The following BTC variants were observed in gnomAD, a reference collection of about 807,000 sequenced individuals.
BTC encodes betacellulin.
BTC carries 13 observed loss-of-function variants against 18.1 expected under a neutral mutation model. The observed-to-expected ratio is 0.72, with a 90% confidence interval of 0.47 to 1.14. The LOEUF (loss-of-function observed/expected upper bound fraction) is 1.14, where lower values mean the gene tolerates loss of function less well. Ranked by LOEUF, BTC falls within the 50% of genes most tolerant of loss-of-function variation. The probability of loss-of-function intolerance (pLI) is 0.00; values close to 1 mark genes in which losing one functional copy is unlikely to be tolerated. For missense variants in BTC, 247 were observed against 224.2 expected (o/e 1.10, Z -0.65); for synonymous variants, 83 against 79.4 (o/e 1.05, Z -0.24).
intron 4 of BTC, among the ~76,000 whole-genome samples, chr4:74,748,553 G>A (rs562059320): frequency 2.0e-5 from 3 of 152,032 alleles, no homozygotes; most frequent in African/African-American, 7.2e-5. Flanking sequence ...AAAAATTAGG[G>A]TTCTCTCTTA....
chr4:74,748,530 C>A (rs532821733), intron 4 of BTC, among the ~76,000 whole-genome samples: 7 of 150,586 alleles, frequency 4.6e-5, no homozygotes, highest in Non-Finnish European at 7.4e-5. Flanking sequence ...AGTGAGACTC[C>A]GTCACAAAAA....
chr4:74,776,130 T>C (rs926880969), intron 1 of BTC, among the ~76,000 whole-genome samples: 4 of 151,894 alleles, frequency 2.6e-5, no homozygotes, highest in South Asian at 2.1e-4. Context: ...AGCAATATAT[T>C]TATGGTTTCT....
rs187161909 is a variant in BTC at position 74,754,271 on chromosome 4, A to G, written c.281+1588T>C. Among the ~76,000 whole-genome samples the G allele has an allele frequency of 1.2e-4, 18 of 152,350 alleles. No individual in the cohort carries two copies. The East Asian group carries it at 3.3e-3, about 28-fold the overall frequency. On this transcript the variant is annotated intron_variant, in intron 3 of 5. Transcript: ENST00000395743. ...TAGGGGCACTATTTGTTCAAGCATC[A>G]GTCATTTCTTGTGCACCTAGTAAAT...
chr4:74,747,763 C>G (rs1407172197), intron 5 of BTC, among the ~76,000 whole-genome samples: 1 of 152,064 alleles, frequency 6.6e-6, no homozygotes, highest in African/African-American at 2.4e-5. Flanking sequence ...TAAAATACCT[C>G]TTTCCTGTGC....
chr4:74,768,563 T>G (rs1724959121), intron 2 of BTC, among the ~76,000 whole-genome samples: 1 of 152,086 alleles, frequency 6.6e-6, no homozygotes, highest in Admixed American at 6.6e-5. Flanking sequence ...ATAGCCAAAT[T>G]TATAGAAGCA....
Position 74,748,115 on chromosome 4 carries a change from C to A in BTC, c.463G>T (p.Glu155Ter). The A allele has an allele frequency of 6.2e-7, 1 of 1,609,806 alleles. No homozygotes were observed. Among genetic ancestry groups the A allele is most frequent in the Non-Finnish European group, 8.5e-7 (1 of 1,178,906 alleles). ...LRKRRKRKKK[E>*]EEMETLGKDI... ...TTACCCAGAGTTTCCATTTCTTCTT[C>A]TTTCTTCTTTCTTTTACGACGTTTC... The change falls in exon 5 of 6, where the codon GAA (glutamate) becomes TAA (stop). Residue 155 changes from glutamate to a stop codon, truncating the protein, a stop_gained. Coordinates refer to ENST00000395743, the MANE Select transcript of BTC (RefSeq NM_001729.4). LOFTEE classifies it high-confidence loss of function.
rs144505705 is a variant in BTC, at chr4:74,778,288, A to G, written c.65-8132T>C. Among the ~76,000 whole-genome samples the G allele has an allele frequency of 8.6e-3, 1,309 of 152,242 alleles. 3 individuals are homozygous for G. Among genetic ancestry groups the G allele is most frequent in the Non-Finnish European group, 0.014 (941 of 68,008 alleles). On this transcript the variant is annotated intron_variant, in intron 1 of 5. Coordinates refer to ENST00000395743, the MANE Select transcript of BTC (RefSeq NM_001729.4). ...TATTTGCTTTCAAAGCAGACCTTCAAGGAGAGAAATTATTTAACTCAAAAG... is the reference window on the plus strand; with the variant it reads ...TATTTGCTTTCAAAGCAGACCTTCAGGGAGAGAAATTATTTAACTCAAAAG...
intron 3 of BTC, among the ~76,000 whole-genome samples, chr4:74,754,907 A>AT (rs1220872121): frequency 6.7e-6 from 1 of 150,364 alleles, no homozygotes; most frequent in African/African-American, 2.5e-5. Flanking sequence ...AATTAAATGA[A>AT]TTTTTTTAAA....
At chr4:74,749,173 T>C (rs914152077) in intron 4 of BTC, among the ~76,000 whole-genome samples, 35 of 152,072 alleles carry the variant, frequency 2.3e-4, no homozygotes, top group African/African-American at 8.5e-4. Context: ...CTCATGCCTG[T>C]AATCCCAGCA....
rs145632216 is a variant in BTC at position 74,783,812 on chromosome 4, T to C, written c.64+10450A>G. 1.5e-4 allele frequency among the ~76,000 whole-genome samples: 23 copies of C among 152,236 alleles called. 1 individual carries two copies. In the East Asian group the frequency reaches 4.3e-3, roughly 28 times the overall value. On this transcript the variant is annotated intron_variant, in intron 1 of 5. Coordinates refer to ENST00000395743, the MANE Select transcript of BTC (RefSeq NM_001729.4). ...TTCTTCGAGCAGTGGTTTGCAGTTC[T>C]CCCTGAAGAGGTCCTTCACTTCCCT...
intron 1 of BTC, among the ~76,000 whole-genome samples, chr4:74,771,349 C>T (rs1327211212): frequency 6.6e-6 from 1 of 152,142 alleles, no homozygotes; most frequent in Non-Finnish European, 1.5e-5. Context: ...AATAAAGTAG[C>T]CTGTCCACCA....
intron 3 of BTC, among the ~76,000 whole-genome samples, chr4:74,752,697 C>G (rs1024575965): frequency 1.3e-5 from 2 of 151,814 alleles, no homozygotes; most frequent in African/African-American, 2.4e-5. Context: ...CTTTTAATTG[C>G]ATGTATACGA....
chr4:74,790,990 G>C (rs891814284), intron 1 of BTC, among the ~76,000 whole-genome samples: 16 of 152,178 alleles, frequency 1.1e-4, no homozygotes, highest in Admixed American at 2.6e-4. Context: ...TCCAGTATTG[G>C]TTTTTCCTGT....
chr4:74,749,745 C>A (rs369060439), intron 4 of BTC, among the ~76,000 whole-genome samples: 1,286 of 54,312 alleles, frequency 0.024, no homozygotes, highest in Admixed American at 0.034. Context: ...TCCTGCTCTG[C>A]AAAAAAAAAA....
chr4:74,791,949 C>T (rs1215724158), intron 1 of BTC, among the ~76,000 whole-genome samples: 1 of 149,658 alleles, frequency 6.7e-6, no homozygotes, highest in Non-Finnish European at 1.5e-5. Flanking sequence ...AATGCCCACT[C>T]TCATCGCATT....
chr4:74,759,607 GATAAAGTATAA>G (rs202074073), intron 2 of BTC, among the ~76,000 whole-genome samples: 6,131 of 150,258 alleles, frequency 0.041, 153 homozygotes, highest in Non-Finnish European at 0.066. Context: ...CTTTAATGGA[GATAAAGTATAA>G]ATAAAGTATA....
intron 1 of BTC, among the ~76,000 whole-genome samples, chr4:74,774,578 C>A (rs548847854): frequency 6.8e-6 from 1 of 146,144 alleles, no homozygotes; most frequent in Non-Finnish European, 1.5e-5. Flanking sequence ...TTGTAGTTAA[C>A]CAGGGCATTC....
At chr4:74,778,609 C>T (rs572233402) in intron 1 of BTC, among the ~76,000 whole-genome samples, 1 of 152,114 alleles carries the variant, frequency 6.6e-6, no homozygotes, top group South Asian at 2.1e-4. Context: ...TGAAGCAGTC[C>T]AGTGGAAAAA....
intron 1 of BTC, among the ~76,000 whole-genome samples, chr4:74,779,873 G>C (rs1725272660): frequency 6.6e-6 from 1 of 152,058 alleles, no homozygotes. Flanking sequence ...GCAGAGACTA[G>C]GAATATAAAT....
Sources: gnomAD v4.1 joint callset for allele counts (sites outside exome capture counted in the v4.1 genomes callset) on GRCh38, gnomAD v4.1.1 for gene constraint, MANE v1.5 for transcripts, NCBI Gene and HGNC (gene_info 2026-07-23, HGNC 2026-07-21) for gene names.